The following GFRA1 variants were observed in gnomAD, a reference collection of about 807,000 sequenced individuals.
The protein encoded by GFRA1 is GDNF family receptor alpha 1, also known as GDNF family receptor alpha-1.
In GFRA1, 16 loss-of-function variants were observed where a neutral mutation model predicts 51.6. The ratio of observed to expected loss-of-function variants is 0.31; its 90% CI spans 0.21 to 0.47. The LOEUF (loss-of-function observed/expected upper bound fraction) is 0.47. Ranked by LOEUF, GFRA1 falls within the 20% of genes least tolerant of loss-of-function variation. The pLI is 1.00. For synonymous variants in GFRA1, 270 were observed against 241.3 expected, an observed-to-expected ratio of 1.12 and a Z score of -1.10; for missense variants, 530 against 594.3, an observed-to-expected ratio of 0.89 and a Z score of 1.13.
intron 5 of GFRA1, among the ~76,000 whole-genome samples, chr10:116,128,453 C>T (rs747556003): frequency 2.6e-5 from 4 of 152,028 alleles, no homozygotes; most frequent in African/African-American, 7.2e-5. Context: ...GTGCCAGGTG[C>T]GGCGGCTCAT....
chr10:116,146,764 T>C (rs974942458), intron 5 of GFRA1, among the ~76,000 whole-genome samples: 4 of 152,242 alleles, frequency 2.6e-5, no homozygotes, highest in African/African-American at 7.2e-5. Flanking sequence ...CCAATCCTGC[T>C]GGACAGAAGG....
chr10:116,250,090 G>C (rs1292007603), intron 4 of GFRA1, among the ~76,000 whole-genome samples: 1 of 152,210 alleles, frequency 6.6e-6, no homozygotes, highest in African/African-American at 2.4e-5. Context: ...GAACAAGAGA[G>C]ATGTGTGTGC....
At chr10:116,194,009 A>G (rs1281125375) in intron 5 of GFRA1, among the ~76,000 whole-genome samples, 1 of 150,638 alleles carries the variant, frequency 6.6e-6, no homozygotes, top group African/African-American at 2.5e-5. Flanking sequence ...ACTGTACTCC[A>G]GCCTGGGCCA....
chr10:116,221,257 A>G (rs561082057), intron 4 of GFRA1, among the ~76,000 whole-genome samples: 17 of 152,302 alleles, frequency 1.1e-4, no homozygotes, highest in Admixed American at 1.1e-3. Context: ...GAAGCAAGTG[A>G]GCTGGAATTC....
At chr10:116,075,088 G>A (rs1409102192) in intron 9 of GFRA1, among the ~76,000 whole-genome samples, 1 of 152,148 alleles carries the variant, frequency 6.6e-6, no homozygotes, top group Non-Finnish European at 1.5e-5. Flanking sequence ...TCCTTCTGAT[G>A]GGCTGGCCTT....
At chr10:116,083,460 A>G (rs146011356) in intron 9 of GFRA1, among the ~76,000 whole-genome samples, 3 of 152,252 alleles carry the variant, frequency 2.0e-5, no homozygotes, top group Admixed American at 2.0e-4. Context: ...ATAAATTGCA[A>G]GAAAAACATT....
At chr10:116,156,619 T>C (rs1006532257) in intron 5 of GFRA1, among the ~76,000 whole-genome samples, 1 of 152,180 alleles carries the variant, frequency 6.6e-6, no homozygotes, top group Non-Finnish European at 1.5e-5. Flanking sequence ...GTTTACAAAA[T>C]AGCCTGATAA....
At chr10:116,200,927 C>T (rs899725690) in intron 5 of GFRA1, among the ~76,000 whole-genome samples, 13 of 152,196 alleles carry the variant, frequency 8.5e-5, no homozygotes, top group African/African-American at 3.1e-4. Flanking sequence ...ATGCCTGGCA[C>T]ACAGTAAGTC....
At chr10:116,129,844 G>C (rs1220637406) in intron 5 of GFRA1, among the ~76,000 whole-genome samples, 1 of 151,906 alleles carries the variant, frequency 6.6e-6, no homozygotes, top group Non-Finnish European at 1.5e-5. Context: ...TAGTGATCAA[G>C]TCAGAGTATT....
At chr10:116,203,627 C>T (rs907152998) in intron 5 of GFRA1, among the ~76,000 whole-genome samples, 9 of 152,186 alleles carry the variant, frequency 5.9e-5, no homozygotes, top group African/African-American at 1.9e-4. Flanking sequence ...TTCATGAACA[C>T]GACCACCCTC....
At chr10:116,107,985 A>T (rs1340299181) in intron 6 of GFRA1, among the ~76,000 whole-genome samples, 1 of 152,034 alleles carries the variant, frequency 6.6e-6, no homozygotes, top group Non-Finnish European at 1.5e-5. Context: ...ATAAGCCCCA[A>T]GTTCCGTGCC....
At position 116,270,931 on chromosome 10, in the gene GFRA1, G is replaced by T; in HGVS notation, c.225C>A (p.Ala75=). ...GLEAKDECRS[A]MEALKQKSLY... Reference sequence around the variant, plus strand: ...GCGACTTCTGCTTCAGGGCCTCCATGGCGCTGCGGCACTCATCCTTGGCCT... The same window carrying T: ...GCGACTTCTGCTTCAGGGCCTCCATTGCGCTGCGGCACTCATCCTTGGCCT... The change falls in exon 3 of 11, where the codon GCC becomes GCA. Residue 75 remains alanine, a synonymous_variant. Transcript: ENST00000355422. The T allele has an allele frequency of 6.2e-7, 1 of 1,614,154 alleles. No homozygotes were observed. Among genetic ancestry groups the T allele is most frequent in the South Asian group, 1.1e-5 (1 of 91,088 alleles).
intron 5 of GFRA1, among the ~76,000 whole-genome samples, chr10:116,134,635 G>C (rs1025844842): frequency 6.6e-6 from 1 of 152,156 alleles, no homozygotes; most frequent in Non-Finnish European, 1.5e-5. Flanking sequence ...ATTCCTCCTA[G>C]TTCTGTTTTT....
At chr10:116,256,259 T>G (rs916505318) in intron 4 of GFRA1, among the ~76,000 whole-genome samples, 1 of 152,174 alleles carries the variant, frequency 6.6e-6, no homozygotes, top group East Asian at 1.9e-4. Flanking sequence ...TCCAAGGTTT[T>G]TGCTCCTTGC....
chr10:116,226,272 T>C (rs1966288714), intron 4 of GFRA1, among the ~76,000 whole-genome samples: 1 of 152,190 alleles, frequency 6.6e-6, no homozygotes, highest in Non-Finnish European at 1.5e-5. Context: ...TTTTAAATAC[T>C]GGCATGTCCC....
intron 4 of GFRA1, among the ~76,000 whole-genome samples, chr10:116,263,487 AC>A (rs1402706926): frequency 6.6e-6 from 1 of 152,170 alleles, no homozygotes; most frequent in East Asian, 1.9e-4. Context: ...GGATTCATTC[AC>A]CCAGGTTGGT....
At chr10:116,132,687 GATA>G (rs1958152305) in intron 5 of GFRA1, among the ~76,000 whole-genome samples, 1 of 152,070 alleles carries the variant, frequency 6.6e-6, no homozygotes. Flanking sequence ...GAAATCACAG[GATA>G]TATAAATTAG....
chr10:116,214,967 ACT>A (rs752536698), intron 4 of GFRA1, among the ~76,000 whole-genome samples: 2 of 152,006 alleles, frequency 1.3e-5, no homozygotes, highest in Non-Finnish European at 2.9e-5. Context: ...TTTTCCAAAA[ACT>A]CTTTTTCAGC....
At chr10:116,095,178 G>A (rs1208073368) in intron 7 of GFRA1, among the ~76,000 whole-genome samples, 1 of 152,210 alleles carries the variant, frequency 6.6e-6, no homozygotes, top group African/African-American at 2.4e-5. Context: ...GAAGGGCACT[G>A]ACTGAAGTGT....
Sources: gnomAD v4.1 joint callset for allele counts (sites outside exome capture counted in the v4.1 genomes callset) on GRCh38, gnomAD v4.1.1 for gene constraint, MANE v1.5 for transcripts, NCBI Gene and HGNC (gene_info 2026-07-23, HGNC 2026-07-21) for gene names.